Variants in FOCAD observed in about 807,000 individuals in gnomAD.
The protein encoded by FOCAD is KIAA1797.
Under a neutral mutation model 225.6 loss-of-function variants are expected in FOCAD, and 198 were observed. The observed-to-expected ratio is 0.88, with a 90% confidence interval of 0.78 to 0.99. The LOEUF (loss-of-function observed/expected upper bound fraction) is 0.99, where lower values mean the gene tolerates loss of function less well. Ranked by LOEUF, FOCAD falls within the 50% of genes least tolerant of loss-of-function variation. The probability of loss-of-function intolerance (pLI) is 0.00; values close to 1 mark genes in which losing one functional copy is unlikely to be tolerated. For missense variants in FOCAD, 2,713 were observed against 2,123.6 expected, an observed-to-expected ratio of 1.28 and a Z score of -5.46; for synonymous variants, 897 against 755.0, an observed-to-expected ratio of 1.19 and a Z score of -3.08.
chr9:20,771,297 A>G (rs1327150791), intron 8 of FOCAD, among the ~76,000 whole-genome samples: 2 of 152,200 alleles, frequency 1.3e-5, no homozygotes, highest in Non-Finnish European at 2.9e-5. Context: ...TCCTCTAGGC[A>G]ATGACATGCT....
chr9:20,975,201 C>G (rs1420723647), intron 35 of FOCAD, among the ~76,000 whole-genome samples: 1 of 152,166 alleles, frequency 6.6e-6, no homozygotes, highest in African/African-American at 2.4e-5. Flanking sequence ...CTGGCCTCCT[C>G]GTAGTTTCAC....
intron 21 of FOCAD, among the ~76,000 whole-genome samples, chr9:20,891,324 A>G (rs1362943477): frequency 6.6e-6 from 1 of 152,230 alleles, no homozygotes. Flanking sequence ...TTACATATCT[A>G]CCACTTGAAA....
chr9:20,791,351 GT>G (rs1820519942), intron 11 of FOCAD, among the ~76,000 whole-genome samples: 1 of 151,514 alleles, frequency 6.6e-6, no homozygotes, highest in South Asian at 2.1e-4. Flanking sequence ...TTTATTTTTA[GT>G]TCCCAATTAA....
chr9:20,809,647 G>T (rs529761134), intron 11 of FOCAD, among the ~76,000 whole-genome samples: 1 of 152,126 alleles, frequency 6.6e-6, no homozygotes, highest in South Asian at 2.1e-4. Context: ...CTATAGAAAC[G>T]ATTTTTATAC....
intron 28 of FOCAD, 129 bp downstream of exon 28, chr9:20,933,232 G>T: frequency 1.6e-6 from 1 of 638,800 alleles, no homozygotes; most frequent in Non-Finnish European, 2.6e-6. Context: ...TGGGGAACAG[G>T]TGGTGTTTGG....
chr9:20,815,123 G>GTTTTTT (rs71334554), intron 11 of FOCAD, among the ~76,000 whole-genome samples: 3 of 85,394 alleles, frequency 3.5e-5, no homozygotes, highest in Admixed American at 1.4e-4. Context: ...ACTTCTCTTT[G>GTTTTTT]TTTTTTTTTT....
intron 1 of FOCAD, among the ~76,000 whole-genome samples, chr9:20,690,320 G>A (rs770113097): frequency 7.2e-5 from 11 of 152,162 alleles, no homozygotes; most frequent in Non-Finnish European, 1.5e-4. Flanking sequence ...CGTTCATTAT[G>A]CAAGTATGCT....
chr9:20,953,940 G>C (rs771487411), intron 35 of FOCAD, among the ~76,000 whole-genome samples: 1 of 152,182 alleles, frequency 6.6e-6, no homozygotes, highest in Non-Finnish European at 1.5e-5. Context: ...TGATTTGTGA[G>C]GGTCATGGAA....
rs748491399 is a variant in FOCAD at position 20,995,603 on chromosome 9, G to A, written c.5380G>A (p.Val1794Ile). 2 of 1,612,806 alleles carry A rather than the reference G, an allele frequency of 1.2e-6. No individual in the cohort carries two copies. Among genetic ancestry groups the A allele is most frequent in the East Asian group, 2.2e-5 (1 of 44,880 alleles). ...TCTCCCAGAGTTTAAGAAGAAAGCT[G>A]TATGGACCAGAGCATATGGTTGGTG... ...RVLPEFKKKA[V>I]WTRAYGW The change falls in exon 44 of 44, where the codon GTA (valine) becomes ATA (isoleucine). Residue 1794 changes from valine to isoleucine, a missense_variant. By Grantham distance (29) the Val-to-Ile change is conservative (BLOSUM62 3). Transcript: ENST00000338382.
intron 19 of FOCAD, among the ~76,000 whole-genome samples, chr9:20,879,657 A>T (rs1287438461): frequency 6.6e-6 from 1 of 152,194 alleles, no homozygotes; most frequent in Admixed American, 6.5e-5. Context: ...TTAAATTCCC[A>T]TCTGGTCATT....
At chr9:20,674,769 A>G (rs1446495415) in intron 2 of FOCAD, among the ~76,000 whole-genome samples, 5 of 152,192 alleles carry the variant, frequency 3.3e-5, no homozygotes, top group African/African-American at 4.8e-5. Flanking sequence ...AGCTGATACT[A>G]TTTACTCAGT....
At chr9:20,736,565 A>G (rs1275721312) in intron 4 of FOCAD, among the ~76,000 whole-genome samples, 2 of 152,332 alleles carry the variant, frequency 1.3e-5, no homozygotes, top group Middle Eastern at 3.4e-3. Flanking sequence ...ATGAGTTTGT[A>G]GTTAGTTTTA....
At chr9:20,734,965 A>G (rs969420338) in intron 4 of FOCAD, among the ~76,000 whole-genome samples, 2 of 152,208 alleles carry the variant, frequency 1.3e-5, no homozygotes, top group Non-Finnish European at 2.9e-5. Flanking sequence ...GGATGGGGTC[A>G]TAGAAGCAGA....
intron 15 of FOCAD, among the ~76,000 whole-genome samples, chr9:20,844,430 G>A (rs1198677183): frequency 2.4e-5 from 3 of 123,694 alleles, no homozygotes; most frequent in Middle Eastern, 7.1e-3. Flanking sequence ...GTGTGATCTC[G>A]GCTCACTGCA....
chr9:20,659,223 C>A (rs1042052273), intron 2 of FOCAD, among the ~76,000 whole-genome samples: 2 of 131,120 alleles, frequency 1.5e-5, no homozygotes, highest in Non-Finnish European at 3.3e-5. Context: ...CTGCTCCCCT[C>A]CCCCCGCCCC....
At chr9:20,722,221 C>A (rs940228824) in intron 4 of FOCAD, among the ~76,000 whole-genome samples, 1 of 151,492 alleles carries the variant, frequency 6.6e-6, no homozygotes, top group Non-Finnish European at 1.5e-5. Flanking sequence ...TTTTTCTTTT[C>A]CTTTTGCAGT....
At chr9:20,886,587 G>T (rs1831119199) in intron 21 of FOCAD, among the ~76,000 whole-genome samples, 1 of 152,176 alleles carries the variant, frequency 6.6e-6, no homozygotes, top group African/African-American at 2.4e-5. Flanking sequence ...TATAAGCACA[G>T]AAAATCTTTG....
intron 11 of FOCAD, 81 bp downstream of exon 11, chr9:20,789,689 A>G: frequency 6.6e-7 from 1 of 1,507,370 alleles, no homozygotes; most frequent in African/African-American, 1.4e-5. Flanking sequence ...TTTGTGGATT[A>G]TTTGCATCAG....
intron 5 of FOCAD, among the ~76,000 whole-genome samples, chr9:20,752,746 G>A (rs2131752548): frequency 6.6e-6 from 1 of 152,216 alleles, no homozygotes. Flanking sequence ...AAATTACCTT[G>A]GGCAGTATGG....
Sources: gnomAD v4.1 joint callset for allele counts (sites outside exome capture counted in the v4.1 genomes callset) on GRCh38, gnomAD v4.1.1 for gene constraint, MANE v1.5 for transcripts, NCBI Gene and HGNC (gene_info 2026-07-23, HGNC 2026-07-21) for gene names.